Variants in SLIT2 observed in about 807,000 individuals in gnomAD.
SLIT2 encodes the protein slit homolog 2 protein.
SLIT2 carries 41 observed loss-of-function variants against 185.7 expected under a neutral mutation model. The ratio of observed to expected loss-of-function variants is 0.22; its 90% CI spans 0.17 to 0.29. The LOEUF (loss-of-function observed/expected upper bound fraction) is 0.29, where lower values mean the gene tolerates loss of function less well. SLIT2 is among the 10% of genes least tolerant of loss of function. SLIT2 has a pLI of 1.00. For missense variants in SLIT2, 1,571 were observed against 1,909.0 expected (o/e 0.82, Z 3.30); for synonymous variants, 693 against 680.2 (o/e 1.02, Z -0.29).
At chr4:20,438,722 A>G (rs1343666703) in intron 4 of SLIT2, among the ~76,000 whole-genome samples, 1 of 152,150 alleles carries the variant, frequency 6.6e-6, no homozygotes, top group Non-Finnish European at 1.5e-5. Flanking sequence ...CTGTTCAACA[A>G]CACTTGCCCC....
chr4:20,533,227 A>C (rs187215208), intron 17 of SLIT2, among the ~76,000 whole-genome samples: 137 of 152,360 alleles, frequency 9.0e-4, no homozygotes, highest in African/African-American at 3.1e-3. Context: ...AACATTTGAC[A>C]ATTTTAATCA....
chr4:20,433,358 C>T (rs938047925), intron 4 of SLIT2, among the ~76,000 whole-genome samples: 1 of 152,164 alleles, frequency 6.6e-6, no homozygotes, highest in African/African-American at 2.4e-5. Context: ...CAATTAAACC[C>T]TATAATAACA....
intron 26 of SLIT2, among the ~76,000 whole-genome samples, chr4:20,557,682 C>A (rs929902369): frequency 2.0e-5 from 3 of 151,990 alleles, no homozygotes; most frequent in Admixed American, 6.6e-5. Context: ...ATTTTCAAGT[C>A]TTATTTCAGA....
intron 4 of SLIT2, among the ~76,000 whole-genome samples, chr4:20,284,931 TC>T (rs1219716014): frequency 1.3e-5 from 2 of 152,260 alleles, no homozygotes. Context: ...TACATAGGTT[TC>T]TAAGGGATAG....
chr4:20,619,829 A>G lies in SLIT2; in HGVS notation c.*820A>G, dbSNP rs1729949696. 1.3e-5 allele frequency: 2 copies of G among 151,760 alleles called. No homozygotes were observed. The highest frequency in any genetic ancestry group is 3.9e-4 in the East Asian group (2 of 5,158). The allele number at this position is 151,760 out of a possible 1,614,324, so 9.4% of individuals were successfully genotyped here. ...ACTTAACATTTTAGGCCATCCTTTT[A>G]CTGTTCCTTGATGCTTTAATATATA... On this transcript the variant is annotated 3_prime_UTR_variant, in exon 37 of 37. Transcript: ENST00000504154.
intron 34 of SLIT2, chr4:20,616,119 C>T (rs1291039095): frequency 6.6e-6 from 1 of 152,164 alleles, no homozygotes; most frequent in Non-Finnish European, 1.5e-5. Flanking sequence ...ATTTCTTGGA[C>T]TATGAAGTCT....
intron 4 of SLIT2, among the ~76,000 whole-genome samples, chr4:20,298,388 C>T (rs560503185): frequency 2.0e-4 from 30 of 152,168 alleles, no homozygotes; most frequent in Admixed American, 3.3e-4. Context: ...TGCACCCGGC[C>T]CTATTTTCTG....
intron 7 of SLIT2, among the ~76,000 whole-genome samples, chr4:20,487,136 G>C (rs1447959916): frequency 6.6e-6 from 1 of 151,796 alleles, no homozygotes; most frequent in African/African-American, 2.4e-5. Flanking sequence ...TCTTTTTAAT[G>C]AACTAGGTAA....
At chr4:20,363,952 G>T (rs1722924177) in intron 4 of SLIT2, among the ~76,000 whole-genome samples, 1 of 152,038 alleles carries the variant, frequency 6.6e-6, no homozygotes, top group Non-Finnish European at 1.5e-5. Context: ...TTGCAAACGT[G>T]TTTTTAAGCA....
chr4:20,554,872 C>A (rs1724107841), intron 26 of SLIT2, among the ~76,000 whole-genome samples: 1 of 152,056 alleles, frequency 6.6e-6, no homozygotes, highest in Admixed American at 6.5e-5. Context: ...CCGGCTCAAG[C>A]AATTCTCCTG....
chr4:20,303,705 CAT>C (rs1717272014), intron 4 of SLIT2, among the ~76,000 whole-genome samples: 1 of 152,196 alleles, frequency 6.6e-6, no homozygotes, highest in African/African-American at 2.4e-5. Context: ...TCTGTGTAGA[CAT>C]ATGTATGTGG....
intron 34 of SLIT2, among the ~76,000 whole-genome samples, chr4:20,613,872 A>T (rs1015675114): frequency 1.3e-5 from 2 of 151,618 alleles, no homozygotes; most frequent in Admixed American, 6.6e-5. Flanking sequence ...ACTTGACACA[A>T]TTTTTTTTGT....
At position 20,254,205 on chromosome 4, in the gene SLIT2, G is replaced by C. The variant is rs904128273; in HGVS notation, c.179+211G>C. Among the ~76,000 whole-genome samples, 2 of 152,108 alleles carry C rather than the reference G, an allele frequency of 1.3e-5. No individual in the cohort carries two copies. Among genetic ancestry groups the C allele is most frequent in the South Asian group, 4.1e-4 (2 of 4,834 alleles). ...GGCGGGTCCGCTGGCAGCTGCGCTA[G>C]TTCTCCCTCCCCTGCTCTCGTCCCG... On this transcript the variant is annotated intron_variant, in intron 1 of 36. Transcript: ENST00000504154. The surrounding 1 kb of genome is among the most constrained non-coding windows in gnomAD (Gnocchi z 5.1).
rs376838034 is a variant in SLIT2 at position 20,480,675 on chromosome 4, G to A, written c.468-41G>A. ...CTTCTCATCACCTACCCCAGCTACTGTCCATCCCTTCTACATATATTCTTC... is the reference window on the plus strand; with the variant it reads ...CTTCTCATCACCTACCCCAGCTACTATCCATCCCTTCTACATATATTCTTC... On this transcript the variant is annotated intron_variant, in intron 5 of 36. Coordinates refer to ENST00000504154, the MANE Select transcript of SLIT2 (RefSeq NM_004787.4). The A allele has an allele frequency of 4.0e-6, 6 of 1,489,282 alleles. No individual in the cohort carries two copies. The African/African-American group carries it at 5.5e-5, about 14-fold the overall frequency. 92.3% of individuals were successfully genotyped at this position (1,489,282 alleles called of 1,614,324 possible).
intron 5 of SLIT2, among the ~76,000 whole-genome samples, chr4:20,473,550 G>T (rs143995276): frequency 8.5e-5 from 13 of 152,096 alleles, no homozygotes; most frequent in African/African-American, 3.1e-4. Context: ...TGTTGTTACA[G>T]AGCTATTTAC....
At chr4:20,474,095 C>G (rs1460820702) in intron 5 of SLIT2, among the ~76,000 whole-genome samples, 1 of 151,944 alleles carries the variant, frequency 6.6e-6, no homozygotes, top group East Asian at 1.9e-4. Context: ...CTCTTAAATT[C>G]CAGAGGTCTT....
chr4:20,438,887 A>G (rs191769057), intron 4 of SLIT2, among the ~76,000 whole-genome samples: 1 of 152,326 alleles, frequency 6.6e-6, no homozygotes. Context: ...TGACAAGTCT[A>G]TATAAAATTA....
chr4:20,284,905 C>T (rs1229771921), intron 4 of SLIT2, among the ~76,000 whole-genome samples: 1 of 152,222 alleles, frequency 6.6e-6, no homozygotes, highest in Non-Finnish European at 1.5e-5. Context: ...GGTTTAGTCT[C>T]ATCATTTTGT....
At chr4:20,508,344 GT>G (rs981620824) in intron 9 of SLIT2, among the ~76,000 whole-genome samples, 14 of 151,952 alleles carry the variant, frequency 9.2e-5, no homozygotes, top group African/African-American at 3.4e-4. Flanking sequence ...TGCTTTCACT[GT>G]CTTAAAATAA....
Sources: gnomAD v4.1 joint callset for allele counts (sites outside exome capture counted in the v4.1 genomes callset) on GRCh38, gnomAD v4.1.1 for gene constraint, Gnocchi (gnomAD v3.1) non-coding constraint, MANE v1.5 for transcripts, NCBI Gene and HGNC (gene_info 2026-07-23, HGNC 2026-07-21) for gene names.